The following DIPK1A variants were observed in gnomAD, a reference collection of about 807,000 sequenced individuals.
DIPK1A encodes the protein divergent protein kinase domain 1A, also known as family with sequence similarity 69 member A.
Under a neutral mutation model 40.8 loss-of-function variants are expected in DIPK1A, and 27 were observed. That is an observed-to-expected ratio of 0.66 (90% CI 0.49 to 0.91). DIPK1A has a LOEUF of 0.91. Ranked by LOEUF, DIPK1A falls within the 40% of genes least tolerant of loss-of-function variation. The pLI, the probability that DIPK1A is intolerant of heterozygous loss-of-function variation, is 0.00. For synonymous variants in DIPK1A, 166 were observed against 171.3 expected (o/e 0.97, Z 0.24); for missense variants, 412 against 505.7 (o/e 0.81, Z 1.78).
At chr1:92,941,143 C>T (rs1284214253) in intron 1 of DIPK1A, among the ~76,000 whole-genome samples, 2 of 152,034 alleles carry the variant, frequency 1.3e-5, no homozygotes, top group African/African-American at 4.8e-5. Context: ...TCAATTTTTC[C>T]TTTATGAACC....
intron 1 of DIPK1A, among the ~76,000 whole-genome samples, chr1:92,946,155 C>T (rs1035473806): frequency 3.3e-5 from 5 of 152,088 alleles, no homozygotes; most frequent in South Asian, 4.1e-4. Context: ...GTTAATTCTA[C>T]GTGCTTCCTA....
chr1:92,886,843 T>C (rs1173280898), intron 1 of DIPK1A, among the ~76,000 whole-genome samples: 2 of 152,024 alleles, frequency 1.3e-5, no homozygotes, highest in Non-Finnish European at 2.9e-5. Context: ...ATATAGCTTA[T>C]TGGAACACAG....
At chr1:92,846,117 T>C in intron 4 of DIPK1A, 1 of 157,192 alleles carries the variant, frequency 6.4e-6, no homozygotes, top group Non-Finnish European at 1.4e-5. Flanking sequence ...AATGAGGAGG[T>C]GAACTCCCAT....
At chr1:92,833,648 T>G in intron 4 of DIPK1A, 1 of 1,610,472 alleles carries the variant, frequency 6.2e-7, no homozygotes. Context: ...CAAACAGAGA[T>G]ATCATTTGTC....
chr1:92,934,876 C>A (rs1363086425), intron 1 of DIPK1A, among the ~76,000 whole-genome samples: 1 of 152,134 alleles, frequency 6.6e-6, no homozygotes, highest in Non-Finnish European at 1.5e-5. Flanking sequence ...AATGGAAGTT[C>A]TACAGATGGA....
At chr1:92,960,984 G>A (rs12747275) in intron 1 of DIPK1A, among the ~76,000 whole-genome samples, 68,643 of 152,112 alleles carry the variant, frequency 0.45, 15,904 homozygotes, top group East Asian at 0.71. Flanking sequence ...GGGGGAGGGG[G>A]GAAAGCCCCG....
chr1:92,960,247 T>G (rs1652018040), intron 1 of DIPK1A, among the ~76,000 whole-genome samples: 1 of 152,110 alleles, frequency 6.6e-6, no homozygotes, highest in African/African-American at 2.4e-5. Context: ...TTGCAATACG[T>G]CACTCATTTC....
At chr1:92,923,876 AT>A (rs1650371438) in intron 1 of DIPK1A, among the ~76,000 whole-genome samples, 1 of 152,166 alleles carries the variant, frequency 6.6e-6, no homozygotes, top group African/African-American at 2.4e-5. Context: ...ATGATGGAAT[AT>A]TTCGAAACAA....
intron 2 of DIPK1A, among the ~76,000 whole-genome samples, chr1:92,860,332 T>C (rs1305078068): frequency 6.6e-6 from 1 of 152,086 alleles, no homozygotes. Context: ...TATGCATTAA[T>C]TTTAAGTGCC....
chr1:92,841,273 A>G (rs1687353477), downstream of DIPK1A, among the ~76,000 whole-genome samples: 1 of 152,150 alleles, frequency 6.6e-6, no homozygotes, highest in African/African-American at 2.4e-5. Context: ...AATATGAAGT[A>G]TTTGTCTTTT....
chr1:92,959,453 T>C (rs1182278931), intron 1 of DIPK1A, among the ~76,000 whole-genome samples: 1 of 145,398 alleles, frequency 6.9e-6, no homozygotes, highest in Non-Finnish European at 1.5e-5. Context: ...AAACACTTTT[T>C]TTTTTTTTTT....
intron 1 of DIPK1A, among the ~76,000 whole-genome samples, chr1:92,909,888 G>C (rs1649765282): frequency 1.3e-5 from 2 of 152,316 alleles, no homozygotes; most frequent in East Asian, 1.9e-4. Context: ...TAAATGAATA[G>C]ATTATTTTCA....
intron 1 of DIPK1A, among the ~76,000 whole-genome samples, chr1:92,943,806 A>G (rs967405671): frequency 2.0e-5 from 3 of 152,314 alleles, no homozygotes; most frequent in Non-Finnish European, 4.4e-5. Context: ...AAAACAGCAG[A>G]GGAAAGCCAC....
At chr1:92,921,368 G>C (rs955852841) in intron 1 of DIPK1A, among the ~76,000 whole-genome samples, 27 of 152,090 alleles carry the variant, frequency 1.8e-4, no homozygotes, top group Non-Finnish European at 3.2e-4. Flanking sequence ...CCAAAGGAGA[G>C]AACACAAAGA....
chr1:92,844,401 C>T (rs1271399545), intron 4 of DIPK1A, among the ~76,000 whole-genome samples: 1 of 152,094 alleles, frequency 6.6e-6, no homozygotes, highest in Non-Finnish European at 1.5e-5. Context: ...GCAGTAAAAC[C>T]CACTTTAAAA....
At chr1:92,846,817 A>ATATGTGTG (rs1553123771) in intron 4 of DIPK1A, among the ~76,000 whole-genome samples, 59 of 5,708 alleles carry the variant, frequency 0.01, 6 homozygotes, top group Admixed American at 0.025. Flanking sequence ...ATATATATAT[A>ATATGTGTG]TATATATATA....
intron 1 of DIPK1A, chr1:92,931,417 G>T (rs1471654056): frequency 8.8e-6 from 2 of 226,906 alleles, no homozygotes; most frequent in South Asian, 7.1e-5. Flanking sequence ...TAAAACAAAA[G>T]ATGTATTTCA....
intron 1 of DIPK1A, among the ~76,000 whole-genome samples, chr1:92,915,254 C>A (rs567494228): frequency 2.0e-5 from 3 of 152,182 alleles, no homozygotes; most frequent in African/African-American, 7.2e-5. Context: ...TCCACTACCA[C>A]ACAATTCAGG....
chr1:92,834,716 AATT>A, intron 4 of DIPK1A: 1 of 1,599,082 alleles, frequency 6.3e-7, no homozygotes, highest in South Asian at 1.1e-5. Flanking sequence ...CTTGAAAAAT[AATT>A]AAGATGTAGT....
Sources: allele counts gnomAD v4.1 joint callset (sites outside exome capture counted in the v4.1 genomes callset), GRCh38; gene constraint gnomAD v4.1.1; transcripts MANE v1.5; gene names NCBI Gene and HGNC (gene_info 2026-07-23, HGNC 2026-07-21).